ERAP1: variants seen among roughly 807,000 people sequenced by gnomAD.
ERAP1 encodes the protein adipocyte-derived leucine aminopeptidase.
In ERAP1, 86 loss-of-function variants were observed where a neutral mutation model predicts 103.7. The observed-to-expected ratio is 0.83, with a 90% CI of 0.70 to 0.99. The LOEUF (loss-of-function observed/expected upper bound fraction) is 0.99. Among genes scored for constraint, ERAP1 ranks in the 50% least tolerant of loss-of-function variants. ERAP1 has a pLI of 0.00. For missense variants in ERAP1, 1,009 were observed against 1,128.4 expected, an observed-to-expected ratio of 0.89 and a Z score of 1.52; for synonymous variants, 398 against 402.4, an observed-to-expected ratio of 0.99 and a Z score of 0.13.
chr5:96,908,845 C>T, the ERAP1 span: 626,962 of 1,070,790 alleles, frequency 0.59, 186,146 homozygotes, highest in Middle Eastern at 0.76. Flanking sequence ...AACTGAATGG[C>T]CCAGCTATAA....
In ERAP1 at chr5:96,790,343, C is replaced by T. The variant is rs779394598; in HGVS notation, c.1477G>A (p.Gly493Arg). ...ASICPTDGVKGMDGFCSRSQH... is the reference protein window; with the variant it reads ...ASICPTDGVKRMDGFCSRSQH... ...CTTCTAGAGCAAAAGCCATCCATCCCTTTTACACCATCTGTAGGGCAAATC... is the reference window on the plus strand; with the variant it reads ...CTTCTAGAGCAAAAGCCATCCATCCTTTTTACACCATCTGTAGGGCAAATC... Residue 493 changes from glycine to arginine, a missense_variant, in exon 10 of 19, where the codon GGG (glycine) becomes AGG (arginine). By Grantham distance (125) the Gly-to-Arg change is moderately radical (BLOSUM62 -2). This residue lies in a region of ERAP1 where 611 missense variants were observed against 651.7 expected (regional missense o/e 0.94). Transcript: ENST00000443439. 2.9e-5 allele frequency: 46 copies of T among 1,613,972 alleles called. No homozygotes were observed. In the Admixed American group the frequency reaches 3.3e-4, roughly 12 times the overall value.
chr5:96,912,188 CAAA>C, the ERAP1 span, among the ~76,000 whole-genome samples: 1 of 84,270 alleles, frequency 1.2e-5, no homozygotes, highest in African/African-American at 4.7e-5. Context: ...GACTCCACCT[CAAA>C]AAAAAAAAAA....
At chr5:96,904,266 G>C in the ERAP1 span, among the ~76,000 whole-genome samples, 1 of 152,124 alleles carries the variant, frequency 6.6e-6, no homozygotes, top group African/African-American at 2.4e-5. Context: ...GAATGAATCA[G>C]GTCACAAGAT....
the ERAP1 span, chr5:96,918,843 T>A: frequency 6.6e-6 from 1 of 152,246 alleles, no homozygotes; most frequent in Non-Finnish European, 1.5e-5. Context: ...CACCATATTT[T>A]ATAACCCAGC....
chr5:96,894,167 C>T, the ERAP1 span, among the ~76,000 whole-genome samples: 50 of 152,304 alleles, frequency 3.3e-4, no homozygotes, highest in Non-Finnish European at 5.7e-4. Flanking sequence ...GTGCCAGGAA[C>T]GCAGTAGGTT....
intron 11 of ERAP1, among the ~76,000 whole-genome samples, chr5:96,786,959 C>T (rs530180042): frequency 1.3e-5 from 2 of 152,248 alleles, no homozygotes; most frequent in East Asian, 3.9e-4. Context: ...AAAATCCAAA[C>T]TGAAAGGCAT....
chr5:96,776,574 TA>T, intron 18 of ERAP1, 23 bp from the exon 19 acceptor site: 1 of 1,611,318 alleles, frequency 6.2e-7, no homozygotes, highest in East Asian at 2.2e-5. Flanking sequence ...AAGTGGGTTT[TA>T]AAAAATTAAT....
At chr5:96,870,611 G>A in the ERAP1 span, among the ~76,000 whole-genome samples, 1 of 152,006 alleles carries the variant, frequency 6.6e-6, no homozygotes, top group African/African-American at 2.4e-5. Flanking sequence ...GGCTCCCCAG[G>A]GTGTTTTCCC....
At chr5:96,913,232 A>G in the ERAP1 span, 2 of 1,077,616 alleles carry the variant, frequency 1.9e-6, no homozygotes, top group Non-Finnish European at 1.3e-6. Context: ...TTTCTGTTCT[A>G]TTCTTTTAAT....
chr5:96,793,860 A>C lies in ERAP1; in HGVS notation c.1017T>G (p.Ser339=), dbSNP rs1189916101. The part of the protein sequence containing the change: ...ESALLFDAEK[S]SASSKLGITM... Reference sequence around the variant, plus strand: ...TGATGCCAAGCTTACTTGATGCAGAAGACTTTTCTGCATCAAACAACAGAG... The same window carrying C: ...TGATGCCAAGCTTACTTGATGCAGACGACTTTTCTGCATCAAACAACAGAG... The change falls in exon 6 of 19, where the codon TCT becomes TCG. Residue 339 remains serine (S), a synonymous_variant. Coordinates refer to ENST00000443439, the MANE Select transcript of ERAP1 (RefSeq NM_001040458.3). The C allele has an allele frequency of 1.7e-5, 27 of 1,614,188 alleles. No homozygotes were observed. Among genetic ancestry groups the C allele is most frequent in the Non-Finnish European group, 2.0e-5 (24 of 1,180,000 alleles).
At chr5:96,883,873 C>A in the ERAP1 span, 2 of 1,613,784 alleles carry the variant, frequency 1.2e-6, no homozygotes, top group East Asian at 4.5e-5. Flanking sequence ...TCAAAGCCAA[C>A]TTTTCAATCA....
the ERAP1 span, among the ~76,000 whole-genome samples, chr5:96,816,812 G>A: frequency 2.0e-5 from 3 of 152,178 alleles, no homozygotes; most frequent in Non-Finnish European, 4.4e-5. Context: ...CCCTCTCTTC[G>A]CTGAGAGCTT....
At chr5:96,881,333 G>A in the ERAP1 span, 2 of 443,308 alleles carry the variant, frequency 4.5e-6, no homozygotes, top group African/African-American at 2.0e-5. Flanking sequence ...CTTATGGAGT[G>A]AAACAATTGA....
the ERAP1 span, chr5:96,909,521 A>G: frequency 2.2e-6 from 3 of 1,390,390 alleles, no homozygotes; most frequent in South Asian, 2.4e-5. Context: ...TTAGATGGGC[A>G]AGAACTGTGT....
In ERAP1 at chr5:96,797,264, C is replaced by G; in HGVS notation, c.709G>C (p.Asp237His). The stretch of plus-strand genomic sequence containing the variant: ...TAGGTGCTCATCTTCACAGTGACAT[C>G]AAAATGGTCTTCTATGAGTCCTTCA... ...VAEGLIEDHF[D>H]VTVKMSTYLV... Residue 237 changes from aspartate (D) to histidine (H), a missense_variant, in exon 4 of 19, where the codon GAT (aspartate) becomes CAT (histidine). This residue lies in a region of ERAP1 where 392 missense variants were observed against 455.2 expected (regional missense o/e 0.86). Coordinates refer to ENST00000443439, the MANE Select transcript of ERAP1 (RefSeq NM_001040458.3). The G allele has an allele frequency of 6.2e-7, 1 of 1,614,056 alleles. No individual in the cohort carries two copies. Among genetic ancestry groups the G allele is most frequent in the East Asian group, 2.2e-5 (1 of 44,900 alleles).
At chr5:96,926,882 T>TCTCAGCTCGCTGCAGC in the ERAP1 span, among the ~76,000 whole-genome samples, 1 of 152,230 alleles carries the variant, frequency 6.6e-6, no homozygotes, top group Non-Finnish European at 1.5e-5. Flanking sequence ...ACTGGTGCAG[T>TCTCAGCTCGCTGCAGC]CTCAGCTCGC....
chr5:96,897,503 C>T, the ERAP1 span, among the ~76,000 whole-genome samples: 5 of 151,302 alleles, frequency 3.3e-5, no homozygotes, highest in Non-Finnish European at 5.9e-5. Flanking sequence ...TTTATTAGTT[C>T]AATAATGATA....
At chr5:96,770,686 C>G, downstream of ERAP1, 1 of 905,208 alleles carries the variant, frequency 1.1e-6, no homozygotes, top group Non-Finnish European at 1.8e-6. Context: ...TAGTTTCCTA[C>G]TGGAATCTAT....
At position 96,783,973 on chromosome 5, in the gene ERAP1, T is replaced by C. The variant is rs767439471; in HGVS notation, c.2051A>G (p.Tyr684Cys). 3.1e-6 allele frequency: 5 copies of C among 1,613,864 alleles called. No individual in the cohort carries two copies. Among genetic ancestry groups the C allele is most frequent in the African/African-American group, 1.3e-5 (1 of 74,888 alleles). The change falls in exon 14 of 19, where the codon TAT becomes TGT. Residue 684 changes from tyrosine (Y) to cysteine (C), a missense_variant. Tyr to Cys is a radical substitution (Grantham distance 194). Coordinates refer to ENST00000443439, the MANE Select transcript of ERAP1 (RefSeq NM_001040458.3). ...FQGLNELIPM[Y>C]KLMEKRDMNE... Reference sequence around the variant, plus strand: ...CATATCTCTTTTCTCCATTAACTTATACATAGGAATCAGCTCATTCAAACC... The same window carrying C: ...CATATCTCTTTTCTCCATTAACTTACACATAGGAATCAGCTCATTCAAACC...
Sources: gnomAD v4.1 joint callset for allele counts (sites outside exome capture counted in the v4.1 genomes callset) on GRCh38, gnomAD v4.1.1 for gene constraint, gnomAD v4.1.1 regional missense constraint, MANE v1.5 for transcripts, NCBI Gene and HGNC (gene_info 2026-07-23, HGNC 2026-07-21) for gene names.